The following OTOGL variants were observed in gnomAD, a reference collection of about 807,000 sequenced individuals.
OTOGL encodes the protein otogelin-like protein.
A neutral mutation model predicts 318.5 loss-of-function variants in OTOGL; 285 were observed. The ratio of observed to expected loss-of-function variants is 0.89; its 90% CI spans 0.81 to 0.99. The LOEUF is 0.99. OTOGL is among the 50% of genes least tolerant of loss of function. OTOGL has a pLI of 0.00. For synonymous variants in OTOGL, 987 were observed against 936.5 expected, an observed-to-expected ratio of 1.05 and a Z score of -0.99; for missense variants, 2,899 against 2,845.6, an observed-to-expected ratio of 1.02 and a Z score of -0.43.
intron 1 of OTOGL, among the ~76,000 whole-genome samples, chr12:80,182,307 A>C (rs1264615838): frequency 6.6e-6 from 1 of 152,238 alleles, no homozygotes; most frequent in Non-Finnish European, 1.5e-5. Context: ...CAAATGCAGC[A>C]GAAAGCATCA....
Position 80,249,279 on chromosome 12 carries a change from T to C in OTOGL, c.1053-2414T>C, listed in dbSNP as rs1201427514. Reference sequence around the variant, plus strand: ...TTTCCAGTTTTTCTGTTGTGTTTTTTCCCCATCTTTGTGGTTTTATCTACT... The same window carrying C: ...TTTCCAGTTTTTCTGTTGTGTTTTTCCCCCATCTTTGTGGTTTTATCTACT... On this transcript the variant is annotated intron_variant, in intron 11 of 58. Transcript: ENST00000547103. 6.6e-5 allele frequency among the ~76,000 whole-genome samples: 10 copies of C among 151,414 alleles called. No homozygotes were observed. The East Asian group carries it at 1.7e-3, about 26-fold the overall frequency.
chr12:80,100,575 T>A (rs2137062322), intron 1 of OTOGL, among the ~76,000 whole-genome samples: 1 of 152,310 alleles, frequency 6.6e-6, no homozygotes, highest in East Asian at 1.9e-4. Context: ...TAAAACACAT[T>A]GTTTTTCAAA....
At chr12:80,327,702 G>C (rs1887768073) in intron 35 of OTOGL, among the ~76,000 whole-genome samples, 1 of 151,512 alleles carries the variant, frequency 6.6e-6, no homozygotes, top group Admixed American at 6.6e-5. Flanking sequence ...GTTCACGCCT[G>C]TAATCCCAGC....
chr12:80,204,218 A>G (rs538781594), intron 1 of OTOGL, among the ~76,000 whole-genome samples: 1 of 152,230 alleles, frequency 6.6e-6, no homozygotes, highest in Non-Finnish European at 1.5e-5. Context: ...TTTCATACTG[A>G]TTTGTGCTGT....
At position 80,209,521 on chromosome 12, in the gene OTOGL, A is replaced by G. The variant is rs963738282; in HGVS notation, c.79+11A>G. On this transcript the variant is annotated intron_variant, in intron 2 of 58. Coordinates refer to ENST00000547103, the MANE Select transcript of OTOGL (RefSeq NM_001378609.3). ...TGTTTTCATTACAAGGTAAGAACTC[A>G]GATTAAATTTTTATGTTAATTTATT... 2.9e-5 allele frequency: 41 copies of G among 1,429,810 alleles called. No homozygotes were observed. The highest frequency in any genetic ancestry group is 5.7e-5 in the African/African-American group (4 of 70,514). The allele number at this position is 1,429,810 out of a possible 1,614,324, so 88.6% of individuals were successfully genotyped here.
rs1882015282 is a variant in OTOGL, at chr12:80,256,144, G to A, written c.1588-193G>A. On this transcript the variant is annotated intron_variant, in intron 16 of 58. Transcript: ENST00000547103. ...GCTACATAAAATGGGTTATATATCA[G>A]CTACTTTATTACATTACTTATACTC... Among the ~76,000 whole-genome samples the A allele has an allele frequency of 4.6e-5, 7 of 152,062 alleles. No individual in the cohort carries two copies. The South Asian group carries it at 1.5e-3, about 32-fold the overall frequency.
At chr12:80,164,524 T>C (rs186373677) in intron 1 of OTOGL, among the ~76,000 whole-genome samples, 2 of 152,320 alleles carry the variant, frequency 1.3e-5, no homozygotes, top group Non-Finnish European at 2.9e-5. Flanking sequence ...TTTGTTGACA[T>C]ATAATTGCTC....
chr12:80,114,733 C>T (rs943402134), intron 1 of OTOGL, among the ~76,000 whole-genome samples: 99 of 152,104 alleles, frequency 6.5e-4, no homozygotes, highest in African/African-American at 2.2e-3. Context: ...CCATTCTCCC[C>T]ATCACTTTCA....
At chr12:80,347,066 T>C (rs778192046) in intron 44 of OTOGL, among the ~76,000 whole-genome samples, 2 of 152,164 alleles carry the variant, frequency 1.3e-5, no homozygotes, top group Non-Finnish European at 2.9e-5. Context: ...CCTGGTCCAA[T>C]GACAAAGCTT....
chr12:80,134,941 T>C (rs1179983526), intron 1 of OTOGL, among the ~76,000 whole-genome samples: 1 of 152,226 alleles, frequency 6.6e-6, no homozygotes. Context: ...ACAGGTAGTC[T>C]TCAGCAATAT....
chr12:80,238,378 G>GT (rs58783314), intron 9 of OTOGL, among the ~76,000 whole-genome samples: 18 of 151,518 alleles, frequency 1.2e-4, no homozygotes, highest in African/African-American at 3.9e-4. Flanking sequence ...AATTTGACAA[G>GT]TTTTTTTTTG....
At chr12:80,277,479 T>C (rs1275164089) in intron 24 of OTOGL, among the ~76,000 whole-genome samples, 1 of 148,232 alleles carries the variant, frequency 6.7e-6, no homozygotes, top group African/African-American at 2.4e-5. Context: ...TAATTATATA[T>C]ATTTAAATGA....
chr12:80,317,922 C>G (rs571246105), intron 32 of OTOGL, among the ~76,000 whole-genome samples: 3 of 152,192 alleles, frequency 2.0e-5, no homozygotes, highest in African/African-American at 7.2e-5. Context: ...TACCAAAGTC[C>G]CTAGTGAAGC....
At chr12:80,128,737 T>G (rs1433188107) in intron 1 of OTOGL, among the ~76,000 whole-genome samples, 1 of 152,206 alleles carries the variant, frequency 6.6e-6, no homozygotes, top group Non-Finnish European at 1.5e-5. Context: ...GCTTTGGCAA[T>G]GTCGGGCACC....
At chr12:80,262,205 T>G (rs1484621709) in intron 19 of OTOGL, 112 bp downstream of exon 19, 2 of 1,106,554 alleles carry the variant, frequency 1.8e-6, no homozygotes, top group Non-Finnish European at 2.4e-6. Context: ...TCCATTATGG[T>G]AAAATCAATG....
At chr12:80,303,403 C>T (rs552051774) in intron 28 of OTOGL, among the ~76,000 whole-genome samples, 2 of 152,190 alleles carry the variant, frequency 1.3e-5, no homozygotes, top group Non-Finnish European at 2.9e-5. Context: ...GATCCACCCG[C>T]CTCGGCCTCC....
Position 80,323,862 on chromosome 12 carries a change from G to A in OTOGL, c.4199+22G>A, listed in dbSNP as rs748017320. On this transcript the variant is annotated intron_variant, in intron 35 of 58. Transcript: ENST00000547103. ...CACCGTAAGTAACGTTTACCAATAAGTGATCAAAGTCCAGCCTTAGCAAAT... is the reference window on the plus strand; with the variant it reads ...CACCGTAAGTAACGTTTACCAATAAATGATCAAAGTCCAGCCTTAGCAAAT... The A allele has an allele frequency of 4.5e-6, 7 of 1,552,686 alleles. No homozygotes were observed. The Admixed American group carries it at 8.5e-5, about 19-fold the overall frequency.
chr12:80,244,496 G>T (rs1880687530), intron 11 of OTOGL, among the ~76,000 whole-genome samples: 1 of 149,636 alleles, frequency 6.7e-6, no homozygotes, highest in Non-Finnish European at 1.5e-5. Context: ...CAAAGGACAT[G>T]AACTCATCAT....
At chr12:80,217,093 T>A (rs893860121) in intron 4 of OTOGL, among the ~76,000 whole-genome samples, 1 of 152,120 alleles carries the variant, frequency 6.6e-6, no homozygotes, top group African/African-American at 2.4e-5. Context: ...CCGATTGGTG[T>A]GCAGGCAGGC....
Sources: gnomAD v4.1 joint callset for allele counts (sites outside exome capture counted in the v4.1 genomes callset) on GRCh38, gnomAD v4.1.1 for gene constraint, MANE v1.5 for transcripts, NCBI Gene and HGNC (gene_info 2026-07-23, HGNC 2026-07-21) for gene names.